Variants in PDZRN3 observed in about 807,000 individuals in gnomAD.
PDZRN3 encodes the protein E3 ubiquitin-protein ligase PDZRN3.
PDZRN3 carries 38 observed loss-of-function variants against 85.7 expected under a neutral mutation model. That is an observed-to-expected ratio of 0.44 (90% CI 0.34 to 0.58). The LOEUF is 0.58. Among genes scored for constraint, PDZRN3 ranks in the 20% least tolerant of loss-of-function variants. The pLI is 0.01. For synonymous variants in PDZRN3, 759 were observed against 638.0 expected, an observed-to-expected ratio of 1.19 and a Z score of -2.86; for missense variants, 1,629 against 1,506.4, an observed-to-expected ratio of 1.08 and a Z score of -1.35.
At chr3:73,503,209 T>C (rs1704013919) in intron 3 of PDZRN3, among the ~76,000 whole-genome samples, 1 of 152,240 alleles carries the variant, frequency 6.6e-6, no homozygotes, top group South Asian at 2.1e-4. Flanking sequence ...TAGTGTTTCC[T>C]TTATAAGCTA....
intron 3 of PDZRN3, among the ~76,000 whole-genome samples, chr3:73,559,253 G>C (rs767370318): frequency 2.8e-4 from 43 of 152,226 alleles, no homozygotes; most frequent in Non-Finnish European, 4.4e-4. Flanking sequence ...GAAAACTGTG[G>C]GTTTTGTTTT....
chr3:73,396,179 T>G (rs1701631832), intron 5 of PDZRN3, among the ~76,000 whole-genome samples: 1 of 152,006 alleles, frequency 6.6e-6, no homozygotes, highest in African/African-American at 2.4e-5. Context: ...ACTGCACCAC[T>G]GCACTCCAGC....
chr3:73,558,462 A>G (rs1701747081), intron 3 of PDZRN3, among the ~76,000 whole-genome samples: 1 of 152,240 alleles, frequency 6.6e-6, no homozygotes, highest in Admixed American at 6.5e-5. Flanking sequence ...ATCTACTCCA[A>G]CAAAACAGAT....
chr3:73,510,585 G>C (rs1027628237), intron 3 of PDZRN3, among the ~76,000 whole-genome samples: 1 of 152,130 alleles, frequency 6.6e-6, no homozygotes, highest in Non-Finnish European at 1.5e-5. Flanking sequence ...CATAGAGATC[G>C]ACTCCTGCAG....
At chr3:73,458,865 G>A (rs776819337) in intron 3 of PDZRN3, among the ~76,000 whole-genome samples, 2 of 151,562 alleles carry the variant, frequency 1.3e-5, no homozygotes, top group African/African-American at 4.8e-5. Flanking sequence ...AGTGGCACAC[G>A]CCTGTAGCCC....
intron 3 of PDZRN3, among the ~76,000 whole-genome samples, chr3:73,496,099 C>T (rs577540573): frequency 6.6e-6 from 1 of 151,442 alleles, no homozygotes; most frequent in South Asian, 2.1e-4. Flanking sequence ...AAAAAAAAAA[C>T]TGCTCCATAT....
At chr3:73,494,685 G>A (rs1392996804) in intron 3 of PDZRN3, among the ~76,000 whole-genome samples, 2 of 152,120 alleles carry the variant, frequency 1.3e-5, no homozygotes, top group Non-Finnish European at 2.9e-5. Flanking sequence ...TCTTTAAAAA[G>A]CTTAATTTAT....
At chr3:73,453,083 C>T (rs1300711814) in intron 3 of PDZRN3, among the ~76,000 whole-genome samples, 1 of 152,022 alleles carries the variant, frequency 6.6e-6, no homozygotes. Context: ...GAAAGTATGC[C>T]ACTTTCCCTT....
At chr3:73,535,053 G>A (rs1575717522) in intron 3 of PDZRN3, among the ~76,000 whole-genome samples, 2 of 151,938 alleles carry the variant, frequency 1.3e-5, no homozygotes, top group South Asian at 2.1e-4. Flanking sequence ...GCCCCTTCTC[G>A]GGGGTTAAGG....
In PDZRN3 at chr3:73,586,618, G is replaced by T. The variant is rs137863462; in HGVS notation, c.918+15736C>A. Among the ~76,000 whole-genome samples, 467 of 151,404 alleles carry T rather than the reference G, an allele frequency of 3.1e-3. 1 individual carries two copies. Among genetic ancestry groups the T allele is most frequent in the African/African-American group, 0.011 (442 of 41,390 alleles). ...GCAAACCTCACAGGGACACTTCACC[G>T]GGGGGGTCTCAGAGATGCTGGATTC... On this transcript the variant is annotated intron_variant, in intron 3 of 9. Transcript: ENST00000263666.
intron 3 of PDZRN3, among the ~76,000 whole-genome samples, chr3:73,585,260 T>C (rs750581852): frequency 5.9e-5 from 9 of 152,232 alleles, no homozygotes; most frequent in Non-Finnish European, 1.3e-4. Flanking sequence ...AGGAAGTTTC[T>C]ATTTGGTCTC....
At chr3:73,583,325 C>T (rs535424637) in intron 3 of PDZRN3, among the ~76,000 whole-genome samples, 14 of 152,324 alleles carry the variant, frequency 9.2e-5, no homozygotes, top group East Asian at 1.9e-4. Context: ...CTCAATGCTA[C>T]GACTGAGGTA....
At chr3:73,502,670 C>T (rs748499320) in intron 3 of PDZRN3, among the ~76,000 whole-genome samples, 1 of 152,166 alleles carries the variant, frequency 6.6e-6, no homozygotes. Context: ...TAAGAAATGA[C>T]AAATTTCAAC....
At chr3:73,412,008 G>C (rs138236965) in intron 3 of PDZRN3, among the ~76,000 whole-genome samples, 2 of 152,156 alleles carry the variant, frequency 1.3e-5, no homozygotes, top group Non-Finnish European at 1.5e-5. Flanking sequence ...GGGCATCTGC[G>C]CATCTGCAGA....
chr3:73,465,397 G>T (rs544116341), intron 3 of PDZRN3, among the ~76,000 whole-genome samples: 4 of 152,230 alleles, frequency 2.6e-5, no homozygotes, highest in South Asian at 4.1e-4. Context: ...GGTGCCAGAG[G>T]ATGTGATCTG....
In PDZRN3 at chr3:73,517,542, T is replaced by C. The variant is rs539848377; in HGVS notation, c.918+84812A>G. Among the ~76,000 whole-genome samples, 7 of 152,336 alleles carry C rather than the reference T, an allele frequency of 4.6e-5. No individual in the cohort carries two copies. In the South Asian group the frequency reaches 1.4e-3, roughly 32 times the overall value. On this transcript the variant is annotated intron_variant, in intron 3 of 9. Coordinates refer to ENST00000263666, the MANE Select transcript of PDZRN3 (RefSeq NM_015009.3). ...CCCCAAAGGATGCTAAGAGATTCTT[T>C]AAAAGGCTGAATGAAATGTACACAA... is the stretch of plus-strand genomic sequence containing the variant.
At chr3:73,600,314 C>CAA (rs1702495257) in intron 3 of PDZRN3, among the ~76,000 whole-genome samples, 1 of 80,040 alleles carries the variant, frequency 1.2e-5, no homozygotes, top group South Asian at 5.1e-4. Context: ...AACACACACA[C>CAA]ACACACACAC....
rs145857565 is a variant in PDZRN3, at chr3:73,541,491, T to A, written c.918+60863A>T. Among the ~76,000 whole-genome samples, 750 of 152,336 alleles carry A rather than the reference T, an allele frequency of 4.9e-3. 4 individuals are homozygous for A. Among genetic ancestry groups the A allele is most frequent in the Non-Finnish European group, 7.2e-3 (489 of 68,024 alleles). On this transcript the variant is annotated intron_variant, in intron 3 of 9. Coordinates refer to ENST00000263666, the MANE Select transcript of PDZRN3 (RefSeq NM_015009.3). Reference sequence around the variant, plus strand: ...AAAACTGATGTAGAGAGAGGTTAAGTAACCTTAGTTATGTGGTCCAACAGC... The same window carrying A: ...AAAACTGATGTAGAGAGAGGTTAAGAAACCTTAGTTATGTGGTCCAACAGC...
Position 73,384,568 on chromosome 3 carries a change from G to A in PDZRN3, c.1998C>T (p.Tyr666=), listed in dbSNP as rs1559646796. The A allele has an allele frequency of 1.2e-6, 2 of 1,613,702 alleles. No individual in the cohort carries two copies. The highest frequency in any genetic ancestry group is 1.7e-6 in the Non-Finnish European group (2 of 1,180,042). Residue 666 remains tyrosine, a synonymous_variant, in exon 10 of 10, where the codon TAC becomes TAT. Transcript: ENST00000263666. ...TGCCGGCGTCCAGGGGGCCGCTAGGGTAGTACAGGCCGTAAGGGGTGGCGC... is the reference window on the plus strand; with the variant it reads ...TGCCGGCGTCCAGGGGGCCGCTAGGATAGTACAGGCCGTAAGGGGTGGCGC... The part of the protein sequence containing the change: ...VKSATPYGLY[Y]PSGPLDAGKS...
Sources: gnomAD v4.1 joint callset for allele counts (sites outside exome capture counted in the v4.1 genomes callset) on GRCh38, gnomAD v4.1.1 for gene constraint, MANE v1.5 for transcripts, NCBI Gene and HGNC (gene_info 2026-07-23, HGNC 2026-07-21) for gene names.